GALNTL6: variants seen among roughly 807,000 people sequenced by gnomAD.
GALNTL6 encodes polypeptide N-acetylgalactosaminyltransferase-like 6.
A neutral mutation model predicts 73.7 loss-of-function variants in GALNTL6; 46 were observed. That is an observed-to-expected ratio of 0.62 (90% CI 0.49 to 0.80). GALNTL6 has a LOEUF of 0.80. Ranked by LOEUF, GALNTL6 falls within the 30% of genes least tolerant of loss-of-function variation. The pLI, the probability that GALNTL6 is intolerant of heterozygous loss-of-function variation, is 0.00. For missense variants in GALNTL6, 604 were observed against 755.0 expected (o/e 0.80, Z 2.34); for synonymous variants, 259 against 263.7 (o/e 0.98, Z 0.17).
intron 2 of GALNTL6, among the ~76,000 whole-genome samples, chr4:171,949,044 G>A (rs1247703304): frequency 5.9e-5 from 9 of 151,862 alleles, no homozygotes; most frequent in South Asian, 2.1e-4. Flanking sequence ...TTCAGAGTGC[G>A]TCCAAAAAGG....
chr4:172,497,082 A>T (rs1047176043), intron 5 of GALNTL6, among the ~76,000 whole-genome samples: 6 of 152,234 alleles, frequency 3.9e-5, no homozygotes, highest in African/African-American at 1.4e-4. Flanking sequence ...TCTCTCCTGC[A>T]GGATACTGTA....
At chr4:172,231,132 A>G (rs1302464680) in intron 3 of GALNTL6, among the ~76,000 whole-genome samples, 1 of 152,084 alleles carries the variant, frequency 6.6e-6, no homozygotes, top group African/African-American at 2.4e-5. Flanking sequence ...TGGTCGTGAA[A>G]ATGAGTTCCT....
chr4:172,450,527 C>T (rs1419794094), intron 5 of GALNTL6, among the ~76,000 whole-genome samples: 1 of 152,182 alleles, frequency 6.6e-6, no homozygotes, highest in East Asian at 1.9e-4. Flanking sequence ...CGTACAGAAT[C>T]CAAGTTATGT....
intron 3 of GALNTL6, among the ~76,000 whole-genome samples, chr4:172,308,003 CTTTTTTTTTTTTTTTTT>C (rs70941399): frequency 2.9e-5 from 1 of 34,586 alleles, no homozygotes; most frequent in Non-Finnish European, 5.0e-5. Flanking sequence ...TGTGTTTTAA[CTTTTTTTTTTTTTTTTT>C]TTTTTTTTTT....
intron 2 of GALNTL6, among the ~76,000 whole-genome samples, chr4:172,142,288 T>C (rs1010772636): frequency 2.0e-5 from 3 of 152,102 alleles, no homozygotes; most frequent in African/African-American, 7.2e-5. Flanking sequence ...CTGTTATAAT[T>C]TGAAGTTTTG....
chr4:172,279,537 T>C (rs1738967866), intron 3 of GALNTL6, among the ~76,000 whole-genome samples: 2 of 152,070 alleles, frequency 1.3e-5, no homozygotes, highest in Non-Finnish European at 2.9e-5. Context: ...CCTTAGGATG[T>C]TTACTATTAA....
At chr4:172,973,580 T>C (rs1028169115) in intron 10 of GALNTL6, among the ~76,000 whole-genome samples, 1 of 152,234 alleles carries the variant, frequency 6.6e-6, no homozygotes. Context: ...ATAAATATTA[T>C]ATATGCTATG....
At position 172,339,257 on chromosome 4, in the gene GALNTL6, CCACACACACACACACACACACACA is replaced by C. The variant is rs70941402; in HGVS notation, c.387-9231_387-9208del. Among the ~76,000 whole-genome samples, 626 of 121,006 alleles carry C rather than the reference CCACACACACACACACACACACACA, an allele frequency of 5.2e-3. 5 individuals carry two copies. Among genetic ancestry groups the C allele is most frequent in the East Asian group, 0.038 (138 of 3,620 alleles). 79.4% of individuals were successfully genotyped at this position (121,006 alleles called of 152,430 possible). The stretch of plus-strand genomic sequence containing the variant: ...GGCACCCAGCAAACACACACACACA[CCACACACACACACACACACACACA>C]CACACACACACACACACACACACAC... On this transcript the variant is annotated intron_variant, in intron 4 of 12. Transcript: ENST00000506823.
At chr4:172,009,252 A>G (rs1740930157) in intron 2 of GALNTL6, among the ~76,000 whole-genome samples, 1 of 152,042 alleles carries the variant, frequency 6.6e-6, no homozygotes. Flanking sequence ...TGGTGAGGGT[A>G]GAATTGTGAT....
intron 5 of GALNTL6, among the ~76,000 whole-genome samples, chr4:172,409,302 A>G (rs1320862269): frequency 2.6e-5 from 4 of 152,080 alleles, no homozygotes; most frequent in African/African-American, 9.7e-5. Context: ...ATCAACAGTT[A>G]GACAAAGTTT....
At chr4:172,402,592 C>A (rs532166802) in intron 5 of GALNTL6, among the ~76,000 whole-genome samples, 1 of 152,054 alleles carries the variant, frequency 6.6e-6, no homozygotes, top group East Asian at 1.9e-4. Context: ...AAGTAGTATG[C>A]CACCAGAAAT....
rs940634699 is a variant in GALNTL6 at position 171,945,924 on chromosome 4, A to G, written c.138+131206A>G. On this transcript the variant is annotated intron_variant, in intron 2 of 12. Transcript: ENST00000506823. ...TGGATATGAATCTTGAGGCAATCCC[A>G]GGTGACTGGATATTGTGTTGACAAT... Among the ~76,000 whole-genome samples the G allele has an allele frequency of 2.6e-5, 4 of 152,290 alleles. No homozygotes were observed. The East Asian group carries it at 7.7e-4, about 29-fold the overall frequency.
intron 2 of GALNTL6, among the ~76,000 whole-genome samples, chr4:172,004,418 T>C (rs1463554183): frequency 6.6e-6 from 1 of 152,106 alleles, no homozygotes; most frequent in Non-Finnish European, 1.5e-5. Flanking sequence ...ATGGTGGTTT[T>C]TTTTTCTTAA....
intron 5 of GALNTL6, among the ~76,000 whole-genome samples, chr4:172,383,678 T>C (rs1743365671): frequency 6.6e-6 from 1 of 152,206 alleles, no homozygotes; most frequent in African/African-American, 2.4e-5. Context: ...TGATCTAAGA[T>C]TGAAAGCATG....
intron 5 of GALNTL6, among the ~76,000 whole-genome samples, chr4:172,574,602 T>C (rs886697219): frequency 2.6e-5 from 4 of 151,442 alleles, no homozygotes; most frequent in African/African-American, 9.7e-5. Context: ...GAATTATGAG[T>C]ATGAAGGAGA....
intron 2 of GALNTL6, among the ~76,000 whole-genome samples, chr4:171,856,959 A>C (rs1358028906): frequency 6.6e-6 from 1 of 152,196 alleles, no homozygotes; most frequent in Non-Finnish European, 1.5e-5. Flanking sequence ...CTCTTCTATG[A>C]GAAATAGCAG....
At chr4:172,157,333 A>G (rs1329367030) in intron 2 of GALNTL6, among the ~76,000 whole-genome samples, 3 of 152,200 alleles carry the variant, frequency 2.0e-5, no homozygotes, top group African/African-American at 4.8e-5. Flanking sequence ...TATTACTGGC[A>G]TTATGAAATA....
At chr4:172,297,934 A>G (rs369270349) in intron 3 of GALNTL6, among the ~76,000 whole-genome samples, 20 of 152,170 alleles carry the variant, frequency 1.3e-4, no homozygotes, top group African/African-American at 4.1e-4. Context: ...TCTGTAAATT[A>G]CCTTGGGCAG....
chr4:172,455,340 G>A (rs1732355885), intron 5 of GALNTL6, among the ~76,000 whole-genome samples: 1 of 152,128 alleles, frequency 6.6e-6, no homozygotes, highest in Non-Finnish European at 1.5e-5. Context: ...AGTGGCGCCT[G>A]GAACACCAGC....
Sources: allele counts gnomAD v4.1 joint callset (sites outside exome capture counted in the v4.1 genomes callset), GRCh38; gene constraint gnomAD v4.1.1; transcripts MANE v1.5; gene names NCBI Gene and HGNC (gene_info 2026-07-23, HGNC 2026-07-21).